Variants in NHLRC2 observed in about 807,000 individuals in gnomAD.
NHLRC2 encodes NHL repeat-containing protein 2.
A neutral mutation model predicts 68.1 loss-of-function variants in NHLRC2; 33 were observed. The observed-to-expected ratio is 0.48, with a 90% CI of 0.37 to 0.65. NHLRC2 has a LOEUF of 0.65. Among genes scored for constraint, NHLRC2 ranks in the 30% least tolerant of loss-of-function variants. NHLRC2 has a pLI of 0.00. For synonymous variants in NHLRC2, 311 were observed against 309.6 expected (o/e 1.00, Z -0.05); for missense variants, 761 against 853.8 (o/e 0.89, Z 1.35).
Position 113,882,462 on chromosome 10 carries a change from A to G in NHLRC2, c.910-1789A>G, listed in dbSNP as rs117485309. Among the ~76,000 whole-genome samples the G allele has an allele frequency of 7.7e-4, 117 of 151,884 alleles. 1 individual carries two copies. In the East Asian group the frequency reaches 0.02, roughly 26 times the overall value. Reference sequence around the variant, plus strand: ...ATTTCCCTTATGACTAATGATGTCAACCACCTTTTCCTGTGCTTATGGGCC... The same window carrying G: ...ATTTCCCTTATGACTAATGATGTCAGCCACCTTTTCCTGTGCTTATGGGCC... On this transcript the variant is annotated intron_variant, in intron 4 of 10. Coordinates refer to ENST00000369301, the MANE Select transcript of NHLRC2 (RefSeq NM_198514.4).
In NHLRC2 at chr10:113,915,154, C is replaced by G. The variant is rs1186389869; in HGVS notation, c.*6618C>G. 1 of 456,208 alleles carries G rather than the reference C, an allele frequency of 2.2e-6. No homozygotes were observed. The highest frequency in any genetic ancestry group is 4.4e-6 in the Non-Finnish European group (1 of 226,988). The allele number at this position is 456,208 out of a possible 1,614,324, so 28.3% of individuals were successfully genotyped here. A position where few individuals can be genotyped will look rare whatever the true frequency, so the allele number is the denominator to read the frequency against. ...TGCCTGGTTGTATTGGTGTGTCCCT[C>G]TTCTTCACTGGCATGTCGCTTTCAA... is the stretch of plus-strand genomic sequence containing the variant. On this transcript the variant is annotated 3_prime_UTR_variant, in exon 11 of 11. Transcript: ENST00000369301.
intron 2 of NHLRC2, among the ~76,000 whole-genome samples, chr10:113,874,971 C>A (rs1008337856): frequency 1.3e-5 from 2 of 151,394 alleles, no homozygotes; most frequent in Non-Finnish European, 2.9e-5. Context: ...CCTCATGGAG[C>A]ATAGTTATCT....
At chr10:113,859,790 A>G (rs1057463358) in intron 2 of NHLRC2, among the ~76,000 whole-genome samples, 1 of 152,208 alleles carries the variant, frequency 6.6e-6, no homozygotes, top group Non-Finnish European at 1.5e-5. Flanking sequence ...TGAATAAAAA[A>G]CATTATGGAA....
chr10:113,867,699 T>C (rs527616449), intron 2 of NHLRC2, among the ~76,000 whole-genome samples: 1 of 152,352 alleles, frequency 6.6e-6, no homozygotes, highest in Admixed American at 6.5e-5. Context: ...AGTGAAGCCA[T>C]GGTTGTCTTC....
chr10:113,855,131 G>C, intron 1 of NHLRC2, 81 bp downstream of exon 1: 1 of 1,311,736 alleles, frequency 7.6e-7, no homozygotes, highest in Non-Finnish European at 1.1e-6. Flanking sequence ...GAAGCGGTGG[G>C]CTAGGCGGGT....
intron 7 of NHLRC2, 23 bp downstream of exon 7, chr10:113,901,920 A>C (rs777082375): frequency 6.7e-7 from 1 of 1,495,342 alleles, no homozygotes; most frequent in African/African-American, 1.4e-5. Flanking sequence ...ACTCTTGCAC[A>C]GTGCGCTCGG....
chr10:113,888,861 A>G lies in NHLRC2; in HGVS notation c.1039+4481A>G, dbSNP rs556300482. Among the ~76,000 whole-genome samples the G allele has an allele frequency of 9.2e-5, 13 of 142,040 alleles. No homozygotes were observed. In the East Asian group the frequency reaches 2.4e-3, roughly 27 times the overall value. The allele number at this position is 142,040 out of a possible 152,430, so 93.2% of individuals were successfully genotyped here. A position where few individuals can be genotyped will look rare whatever the true frequency, so the allele number is the denominator to read the frequency against. On this transcript the variant is annotated intron_variant, in intron 5 of 10. Transcript: ENST00000369301. ...TTTTTTTTTGAGACTGAGGCTCGCC[A>G]TATCACCTAGGCTGGAGTGCAGTGA...
chr10:113,913,733 G>A lies in NHLRC2; in HGVS notation c.*5197G>A, dbSNP rs934109716. On this transcript the variant is annotated 3_prime_UTR_variant, in exon 11 of 11. Coordinates refer to ENST00000369301, the MANE Select transcript of NHLRC2 (RefSeq NM_198514.4). ...CTTTCTTGTTTCATAAATAACACTGGTATGCAGACCCCTCCCCATGACTCA... is the reference window on the plus strand; with the variant it reads ...CTTTCTTGTTTCATAAATAACACTGATATGCAGACCCCTCCCCATGACTCA... 1.4e-4 allele frequency: 21 copies of A among 151,836 alleles called. No homozygotes were observed. Among genetic ancestry groups the A allele is most frequent in the African/African-American group, 4.1e-4 (17 of 41,312 alleles). 9.4% of individuals were successfully genotyped at this position (151,836 alleles called of 1,614,324 possible). A position where few individuals can be genotyped will look rare whatever the true frequency, so the allele number is the denominator to read the frequency against.
chr10:113,854,753 G>A lies in NHLRC2; in HGVS notation c.-120G>A, dbSNP rs1324874424. ...GAAAAAAGTGTCATTGGCGTGGAGT[G>A]GGGCTAGTGGAGGGTGAGGTGAATG... On this transcript the variant is annotated 5_prime_UTR_variant, in exon 1 of 11. Transcript: ENST00000369301. 1 of 724,654 alleles carries A rather than the reference G, an allele frequency of 1.4e-6. No homozygotes were observed. The highest frequency in any genetic ancestry group is 2.2e-6 in the Non-Finnish European group (1 of 452,672). The allele number at this position is 724,654 out of a possible 1,614,324, so 44.9% of individuals were successfully genotyped here.
intron 2 of NHLRC2, among the ~76,000 whole-genome samples, chr10:113,869,505 C>T (rs2134697798): frequency 6.6e-6 from 1 of 152,256 alleles, no homozygotes; most frequent in East Asian, 1.9e-4. Context: ...CCACGTTCTC[C>T]ATTGTTCTCT....
At chr10:113,890,252 C>A (rs1233938733) in intron 5 of NHLRC2, among the ~76,000 whole-genome samples, 1 of 152,132 alleles carries the variant, frequency 6.6e-6, no homozygotes, top group Non-Finnish European at 1.5e-5. Context: ...ATCTAGCTTT[C>A]ATTTTTGAAA....
intron 5 of NHLRC2, among the ~76,000 whole-genome samples, chr10:113,897,578 C>T (rs758296146): frequency 6.6e-6 from 1 of 152,144 alleles, no homozygotes; most frequent in Non-Finnish European, 1.5e-5. Context: ...TGTAACATAA[C>T]AGAATATTTT....
At chr10:113,877,703 A>C (rs1401051988) in intron 3 of NHLRC2, among the ~76,000 whole-genome samples, 1 of 152,188 alleles carries the variant, frequency 6.6e-6, no homozygotes, top group Non-Finnish European at 1.5e-5. Context: ...AAAGTAATTC[A>C]TTTCTTTGCA....
chr10:113,883,667 C>T lies in NHLRC2; in HGVS notation c.910-584C>T, dbSNP rs182079117. Among the ~76,000 whole-genome samples the T allele has an allele frequency of 3.7e-3, 555 of 151,866 alleles. 3 individuals carry two copies. The highest frequency in any genetic ancestry group is 0.013 in the African/African-American group (528 of 41,506). ...GTTTTTCAGTTTATAAAGTAAAGTC[C>T]GTAAAGTGTCATGGAACTGCCTGGG... On this transcript the variant is annotated intron_variant, in intron 4 of 10. Transcript: ENST00000369301.
chr10:113,876,588 G>A lies in NHLRC2; in HGVS notation c.399G>A (p.Lys133=), dbSNP rs774021033. ...ATGAAAAAGTCCTGGATAACATTAA[G>A]AGTGCTGTTCTTCGATACAACATCA... ...FPNEKVLDNI[K]SAVLRYNITH... Residue 133 remains lysine (K), a synonymous_variant, in exon 3 of 11, where the codon AAG becomes AAA. Transcript: ENST00000369301. 1.2e-6 allele frequency: 2 copies of A among 1,613,582 alleles called. No homozygotes were observed. The highest frequency in any genetic ancestry group is 1.7e-6 in the Non-Finnish European group (2 of 1,179,652).
chr10:113,881,838 A>G (rs1336736801), intron 4 of NHLRC2, among the ~76,000 whole-genome samples: 2 of 151,804 alleles, frequency 1.3e-5, no homozygotes, highest in African/African-American at 4.8e-5. Flanking sequence ...AAGAACCCAC[A>G]TGACCACTTA....
At chr10:113,872,473 T>C (rs1449147332) in intron 2 of NHLRC2, among the ~76,000 whole-genome samples, 1 of 152,046 alleles carries the variant, frequency 6.6e-6, no homozygotes, top group Non-Finnish European at 1.5e-5. Context: ...AAAATGCTGA[T>C]ACAAAATTGA....
intron 3 of NHLRC2, 56 bp downstream of exon 3, chr10:113,877,032 C>G: frequency 9.8e-7 from 1 of 1,018,998 alleles, no homozygotes; most frequent in Non-Finnish European, 1.4e-6. Flanking sequence ...AAAAATAGTT[C>G]AAGGTAAATA....
intron 2 of NHLRC2, among the ~76,000 whole-genome samples, chr10:113,874,285 C>T (rs1434977102): frequency 6.6e-6 from 1 of 152,146 alleles, no homozygotes; most frequent in Non-Finnish European, 1.5e-5. Context: ...TTATTTTCCT[C>T]GTTTTGCAAA....
Sources: gnomAD v4.1 joint callset for allele counts (sites outside exome capture counted in the v4.1 genomes callset) on GRCh38, gnomAD v4.1.1 for gene constraint, MANE v1.5 for transcripts, NCBI Gene and HGNC (gene_info 2026-07-23, HGNC 2026-07-21) for gene names.